SCLT1: variants seen among roughly 807,000 people sequenced by gnomAD.
SCLT1 encodes the protein sodium channel and clathrin linker 1, also known as sodium channel-associated protein 1.
In SCLT1, 78 loss-of-function variants were observed where a neutral mutation model predicts 112.8. The observed-to-expected ratio is 0.69, with a 90% CI of 0.58 to 0.83. The LOEUF (loss-of-function observed/expected upper bound fraction) is 0.83. SCLT1 is among the 40% of genes least tolerant of loss of function. The pLI is 0.00. For synonymous variants in SCLT1, 257 were observed against 254.7 expected (o/e 1.01, Z -0.09); for missense variants, 747 against 770.4 (o/e 0.97, Z 0.36).
At chr4:129,077,180 T>C (rs1751537686) in intron 2 of SCLT1, among the ~76,000 whole-genome samples, 1 of 152,128 alleles carries the variant, frequency 6.6e-6, no homozygotes, top group Non-Finnish European at 1.5e-5. Context: ...TAAATGATCA[T>C]TATGTAATAA....
At chr4:128,965,592 A>G (rs1463794635) in intron 10 of SCLT1, among the ~76,000 whole-genome samples, 1 of 152,200 alleles carries the variant, frequency 6.6e-6, no homozygotes, top group Non-Finnish European at 1.5e-5. Context: ...TCTATAGTAC[A>G]AGTCTAACAA....
intron 18 of SCLT1, among the ~76,000 whole-genome samples, chr4:128,916,610 A>T (rs1370798897): frequency 3.3e-5 from 5 of 152,220 alleles, no homozygotes; most frequent in Non-Finnish European, 7.3e-5. Flanking sequence ...GAAGAAACAT[A>T]GTTAAAAATT....
At chr4:129,023,568 C>T (rs141407756) in intron 5 of SCLT1, among the ~76,000 whole-genome samples, 2,742 of 152,210 alleles carry the variant, frequency 0.018, 97 homozygotes, top group African/African-American at 0.062. Flanking sequence ...CCAAGATGGC[C>T]GAATAGGAAC....
chr4:128,998,017 A>G lies in SCLT1; in HGVS notation c.550-78T>C, dbSNP rs28637370. On this transcript the variant is annotated intron_variant, in intron 7 of 20. Transcript: ENST00000281142. ...CCATATTTAAAATTAAACTAAAATC[A>G]AGTCTAAAATCATTATGCCTAAGTT... 2.4e-3 allele frequency: 1,482 copies of G among 622,542 alleles called. 17 individuals carry two copies. In the African/African-American group the frequency reaches 0.025, roughly 10 times the overall value. 38.6% of individuals were successfully genotyped at this position (622,542 alleles called of 1,614,324 possible). A position where few individuals can be genotyped will look rare whatever the true frequency, so the allele number is the denominator to read the frequency against.
At chr4:129,051,531 T>C (rs1324546021) in intron 2 of SCLT1, among the ~76,000 whole-genome samples, 1 of 152,180 alleles carries the variant, frequency 6.6e-6, no homozygotes, top group Non-Finnish European at 1.5e-5. Flanking sequence ...TCTATTGGTC[T>C]GCTATTGGTG....
At chr4:129,068,384 C>A (rs532528728) in intron 2 of SCLT1, among the ~76,000 whole-genome samples, 35 of 152,138 alleles carry the variant, frequency 2.3e-4, no homozygotes, top group Non-Finnish European at 4.3e-4. Flanking sequence ...CCAACATCTA[C>A]TGTTTTTTGA....
At position 129,034,853 on chromosome 4, in the gene SCLT1, T is replaced by C. The variant is rs1180529469; in HGVS notation, c.290+4188A>G. ...ATGACTAAGCATGGCTGTGATCCAA[T>C]AAATTTTATTTATAAAAAGATGTGG... On this transcript the variant is annotated intron_variant, in intron 5 of 20. Coordinates refer to ENST00000281142, the MANE Select transcript of SCLT1 (RefSeq NM_144643.4). Among the ~76,000 whole-genome samples the C allele has an allele frequency of 2.0e-5, 3 of 152,160 alleles. No individual in the cohort carries two copies. In the East Asian group the frequency reaches 5.8e-4, roughly 29 times the overall value.
At chr4:128,900,693 A>C (rs530112713) in intron 18 of SCLT1, among the ~76,000 whole-genome samples, 8 of 152,358 alleles carry the variant, frequency 5.3e-5, no homozygotes, top group African/African-American at 1.9e-4. Context: ...TAATTAAACT[A>C]AAGAGCTTCT....
intron 17 of SCLT1, among the ~76,000 whole-genome samples, chr4:128,938,854 T>G (rs1242862311): frequency 3.3e-5 from 5 of 152,036 alleles, no homozygotes; most frequent in Non-Finnish European, 7.4e-5. Flanking sequence ...AGGTGGTGGG[T>G]GCCTGTAATC....
intron 1 of SCLT1, 26 bp from the exon 2 acceptor site, chr4:129,082,399 C>A: frequency 6.8e-7 from 1 of 1,460,424 alleles, no homozygotes; most frequent in South Asian, 1.2e-5. Flanking sequence ...AAACAGATTT[C>A]AGTTCATTGA....
At chr4:129,013,301 G>T (rs145486562) in intron 5 of SCLT1, among the ~76,000 whole-genome samples, 1 of 152,270 alleles carries the variant, frequency 6.6e-6, no homozygotes, top group East Asian at 1.9e-4. Flanking sequence ...GAGGCATTTA[G>T]CCCATTTACA....
intron 14 of SCLT1, among the ~76,000 whole-genome samples, chr4:128,951,238 A>C (rs533703667): frequency 1.3e-5 from 2 of 152,216 alleles, no homozygotes; most frequent in Admixed American, 1.3e-4. Context: ...TTTTTGAGAA[A>C]ATCTGTCTTA....
intron 5 of SCLT1, among the ~76,000 whole-genome samples, chr4:129,019,548 C>T (rs1745271024): frequency 6.6e-6 from 1 of 151,990 alleles, no homozygotes; most frequent in Admixed American, 6.6e-5. Flanking sequence ...GGCATATATG[C>T]CACTATATGC....
intron 5 of SCLT1, among the ~76,000 whole-genome samples, chr4:129,009,555 C>T (rs1461254902): frequency 1.3e-5 from 2 of 151,852 alleles, no homozygotes; most frequent in South Asian, 2.1e-4. Context: ...CTGCTTTCCA[C>T]TAGTGGCTGA....
intron 5 of SCLT1, among the ~76,000 whole-genome samples, chr4:129,012,308 G>A (rs1744602987): frequency 6.6e-6 from 1 of 152,150 alleles, no homozygotes; most frequent in Non-Finnish European, 1.5e-5. Context: ...TCAGGAGTAG[G>A]TTATTCAACT....
intron 9 of SCLT1, among the ~76,000 whole-genome samples, chr4:128,974,591 G>A (rs1186976042): frequency 6.6e-6 from 1 of 152,048 alleles, no homozygotes; most frequent in Non-Finnish European, 1.5e-5. Flanking sequence ...TCTTTTTCTG[G>A]CTGCACAATA....
At chr4:129,010,116 T>C (rs1238738791) in intron 5 of SCLT1, among the ~76,000 whole-genome samples, 2 of 151,892 alleles carry the variant, frequency 1.3e-5, no homozygotes, top group Non-Finnish European at 2.9e-5. Context: ...CTTAAGTTAA[T>C]GTTTGTTAAT....
intron 17 of SCLT1, among the ~76,000 whole-genome samples, chr4:128,937,567 C>A (rs1216843110): frequency 6.6e-6 from 1 of 152,126 alleles, no homozygotes; most frequent in Admixed American, 6.5e-5. Context: ...GACTTACATA[C>A]TAAATTTGAA....
In SCLT1 at chr4:129,057,161, A is replaced by G. The variant is rs72926011; in HGVS notation, c.103-13110T>C. 4.7e-3 allele frequency among the ~76,000 whole-genome samples: 716 copies of G among 152,314 alleles called. 4 individuals are homozygous for G. The highest frequency in any genetic ancestry group is 0.016 in the African/African-American group (656 of 41,566). On this transcript the variant is annotated intron_variant, in intron 2 of 20. Transcript: ENST00000281142. Reference sequence around the variant, plus strand: ...TTTACTGACTTGTGTATGTTGAACTATCCTCACATCTCTTGATCCCACTTG... The same window carrying G: ...TTTACTGACTTGTGTATGTTGAACTGTCCTCACATCTCTTGATCCCACTTG...
Sources: allele counts gnomAD v4.1 joint callset (sites outside exome capture counted in the v4.1 genomes callset), GRCh38; gene constraint gnomAD v4.1.1; transcripts MANE v1.5; gene names NCBI Gene and HGNC (gene_info 2026-07-23, HGNC 2026-07-21).